The following KCNIP4 variants were observed in gnomAD, a reference collection of about 807,000 sequenced individuals.
KCNIP4 encodes Kv channel-interacting protein 4.
Under a neutral mutation model 34.0 loss-of-function variants are expected in KCNIP4, and 12 were observed. That is an observed-to-expected ratio of 0.35 (90% CI 0.23 to 0.57). KCNIP4 has a LOEUF of 0.57. Among genes scored for constraint, KCNIP4 ranks in the 20% least tolerant of loss-of-function variants. KCNIP4 has a pLI of 0.83. For missense variants in KCNIP4, 238 were observed against 311.7 expected (o/e 0.76, Z 1.78); for synonymous variants, 124 against 102.2 (o/e 1.21, Z -1.29).
At chr4:21,313,659 G>A (rs997732150) in intron 1 of KCNIP4, among the ~76,000 whole-genome samples, 2 of 152,152 alleles carry the variant, frequency 1.3e-5, no homozygotes, top group African/African-American at 4.8e-5. Context: ...CAATGGAAAT[G>A]TAACCCATTA....
chr4:21,452,252 G>A (rs530305693), intron 1 of KCNIP4, among the ~76,000 whole-genome samples: 25 of 152,118 alleles, frequency 1.6e-4, no homozygotes, highest in African/African-American at 2.7e-4. Flanking sequence ...ATCACTTTCC[G>A]TAGACATCTT....
At chr4:20,761,851 T>C (rs1754986739) in intron 3 of KCNIP4, among the ~76,000 whole-genome samples, 2 of 152,202 alleles carry the variant, frequency 1.3e-5, no homozygotes, top group African/African-American at 4.8e-5. Flanking sequence ...GTGGAAAGTC[T>C]CACCAGATAA....
At chr4:20,731,112 A>G (rs1252638563) in intron 8 of KCNIP4, among the ~76,000 whole-genome samples, 6 of 152,124 alleles carry the variant, frequency 3.9e-5, no homozygotes, top group Non-Finnish European at 4.4e-5. Flanking sequence ...GGCAGAGTCT[A>G]TTTCTGTTGC....
chr4:21,933,075 C>T (rs759657619), intron 1 of KCNIP4, among the ~76,000 whole-genome samples: 26 of 142,408 alleles, frequency 1.8e-4, no homozygotes, highest in Non-Finnish European at 3.9e-4. Flanking sequence ...AAACAGAACA[C>T]CAAAATAGAG....
intron 3 of KCNIP4, among the ~76,000 whole-genome samples, chr4:20,774,503 G>A (rs1756199966): frequency 6.6e-6 from 1 of 152,188 alleles, no homozygotes; most frequent in East Asian, 1.9e-4. Context: ...ATGTCAGAGA[G>A]TGTAAGAAGA....
chr4:21,630,097 C>T (rs1239889540), intron 1 of KCNIP4, among the ~76,000 whole-genome samples: 2 of 150,094 alleles, frequency 1.3e-5, no homozygotes, highest in Non-Finnish European at 3.0e-5. Context: ...CTCCTGGGCT[C>T]AAGTGATCCT....
intron 1 of KCNIP4, among the ~76,000 whole-genome samples, chr4:21,059,500 C>T (rs1346375740): frequency 6.6e-6 from 1 of 152,062 alleles, no homozygotes; most frequent in Admixed American, 6.6e-5. Flanking sequence ...ACAGTCTATT[C>T]TAGGACCATT....
At chr4:21,750,870 A>AAC in intron 1 of KCNIP4, among the ~76,000 whole-genome samples, 1 of 152,110 alleles carries the variant, frequency 6.6e-6, no homozygotes, top group Non-Finnish European at 1.5e-5. Context: ...CCTGGCCCCA[A>AAC]ACACACAACT....
chr4:20,762,358 A>G (rs1393868196), intron 3 of KCNIP4, among the ~76,000 whole-genome samples: 1 of 152,204 alleles, frequency 6.6e-6, no homozygotes, highest in Non-Finnish European at 1.5e-5. Context: ...TATGAGTTCT[A>G]AAGGGACACA....
chr4:21,619,793 T>C (rs1744880116), intron 1 of KCNIP4, among the ~76,000 whole-genome samples: 1 of 152,240 alleles, frequency 6.6e-6, no homozygotes, highest in African/African-American at 2.4e-5. Context: ...TGTCTTCAAG[T>C]GTTTCATGGT....
intron 1 of KCNIP4, among the ~76,000 whole-genome samples, chr4:21,891,016 C>A (rs1426067857): frequency 6.6e-6 from 1 of 152,114 alleles, no homozygotes; most frequent in Admixed American, 6.6e-5. Flanking sequence ...CACCTGGCAA[C>A]CTTCATTTAA....
chr4:21,018,966 A>G (rs1383712410), intron 1 of KCNIP4, among the ~76,000 whole-genome samples: 1 of 152,122 alleles, frequency 6.6e-6, no homozygotes, highest in African/African-American at 2.4e-5. Context: ...AATACCACAC[A>G]TCGGGTGGCT....
At chr4:21,192,954 A>ACT (rs746479866) in intron 1 of KCNIP4, among the ~76,000 whole-genome samples, 12,932 of 108,844 alleles carry the variant, frequency 0.12, 743 homozygotes, top group Admixed American at 0.16. Context: ...TACTACTACT[A>ACT]ATAATAATAA....
At chr4:21,882,097 T>C (rs992034184) in intron 1 of KCNIP4, among the ~76,000 whole-genome samples, 8 of 152,184 alleles carry the variant, frequency 5.3e-5, no homozygotes, top group African/African-American at 1.9e-4. Context: ...CATATGAAAG[T>C]GAGTGCAATT....
chr4:21,902,193 A>C (rs971509928), intron 1 of KCNIP4, among the ~76,000 whole-genome samples: 1 of 152,234 alleles, frequency 6.6e-6, no homozygotes, highest in African/African-American at 2.4e-5. Flanking sequence ...GGTGTCATAT[A>C]AGATCTGGGA....
At chr4:21,302,544 A>G (rs1711854418) in intron 1 of KCNIP4, among the ~76,000 whole-genome samples, 1 of 152,240 alleles carries the variant, frequency 6.6e-6, no homozygotes, top group Admixed American at 6.5e-5. Flanking sequence ...AGTGTACAAC[A>G]TGAAGTCAGT....
At chr4:21,192,470 A>T (rs1028868513) in intron 1 of KCNIP4, among the ~76,000 whole-genome samples, 3 of 152,216 alleles carry the variant, frequency 2.0e-5, no homozygotes, top group African/African-American at 7.2e-5. Flanking sequence ...ATATCAAAAG[A>T]GAAAAATTAA....
At chr4:21,554,793 T>G (rs1416400871) in intron 1 of KCNIP4, among the ~76,000 whole-genome samples, 2 of 152,110 alleles carry the variant, frequency 1.3e-5, no homozygotes, top group Non-Finnish European at 2.9e-5. Flanking sequence ...TTTACAAGCC[T>G]TCCTCCTTTT....
intron 1 of KCNIP4, among the ~76,000 whole-genome samples, chr4:21,631,985 C>T (rs977669242): frequency 1.3e-5 from 2 of 152,166 alleles, no homozygotes; most frequent in Non-Finnish European, 2.9e-5. Context: ...AAGAATTATG[C>T]CATCTTTTAT....
Sources: gnomAD v4.1 joint callset for allele counts (sites outside exome capture counted in the v4.1 genomes callset) on GRCh38, gnomAD v4.1.1 for gene constraint, MANE v1.5 for transcripts, NCBI Gene and HGNC (gene_info 2026-07-23, HGNC 2026-07-21) for gene names.